LNPK: variants seen among roughly 807,000 people sequenced by gnomAD.
LNPK encodes the protein endoplasmic reticulum junction formation protein lunapark.
Under a neutral mutation model 55.2 loss-of-function variants are expected in LNPK, and 29 were observed. The observed-to-expected ratio is 0.53, with a 90% CI of 0.39 to 0.72. LNPK has a LOEUF of 0.72. Ranked by LOEUF, LNPK falls within the 30% of genes least tolerant of loss-of-function variation. The pLI, the probability that LNPK is intolerant of heterozygous loss-of-function variation, is 0.00. For missense variants in LNPK, 467 were observed against 494.8 expected, an observed-to-expected ratio of 0.94 and a Z score of 0.53; for synonymous variants, 162 against 168.2, an observed-to-expected ratio of 0.96 and a Z score of 0.29.
Position 175,964,355 on chromosome 2 carries a change from TCTA to T in LNPK, c.493+14_493+16del. Reference sequence around the variant, plus strand: ...GATCTTTCCAACAGCAGCAGCAGTTTCTACTAAGTTATTTACCTTGTCCAGGTC... The same window carrying T: ...GATCTTTCCAACAGCAGCAGCAGTTTCTAAGTTATTTACCTTGTCCAGGTC... On this transcript the variant is annotated intron_variant, in intron 8 of 12. Coordinates refer to ENST00000272748, the MANE Select transcript of LNPK (RefSeq NM_030650.3). 3 of 1,607,444 alleles carry T rather than the reference TCTA, an allele frequency of 1.9e-6. No individual in the cohort carries two copies. Among genetic ancestry groups the T allele is most frequent in the Non-Finnish European group, 2.6e-6 (3 of 1,174,584 alleles).
intron 9 of LNPK, among the ~76,000 whole-genome samples, chr2:175,943,784 G>A (rs910087138): frequency 2.1e-4 from 32 of 151,966 alleles, no homozygotes; most frequent in African/African-American, 7.7e-4. Context: ...AAGCTGATAA[G>A]GAGTATTTAT....
intron 6 of LNPK, among the ~76,000 whole-genome samples, chr2:175,970,134 C>T (rs778030498): frequency 2.0e-5 from 3 of 152,272 alleles, no homozygotes; most frequent in Admixed American, 1.3e-4. Context: ...CTATGTCAAA[C>T]ACCAACTTCA....
chr2:175,960,931 C>T (rs1189564134), intron 8 of LNPK, among the ~76,000 whole-genome samples: 2 of 152,138 alleles, frequency 1.3e-5, no homozygotes, highest in African/African-American at 4.8e-5. Context: ...ACTATAGACA[C>T]CTCTATGCAA....
In LNPK at chr2:176,002,236, G is replaced by C. The variant is rs769366772; in HGVS notation, c.-139C>G. The C allele has an allele frequency of 2.2e-6, 1 of 452,432 alleles. No individual in the cohort carries two copies. Among genetic ancestry groups the C allele is most frequent in the Non-Finnish European group, 4.4e-6 (1 of 225,904 alleles). The allele number at this position is 452,432 out of a possible 1,614,324, so 28.0% of individuals were successfully genotyped here. On this transcript the variant is annotated 5_prime_UTR_variant, in exon 1 of 13. Transcript: ENST00000272748. ...GCCGCCACCGCCCAGCCTGCCTCCA[G>C]AGCAGGCAGCAGCCGCCACTGACAG...
At chr2:175,999,294 A>G (rs192056018) in intron 1 of LNPK, among the ~76,000 whole-genome samples, 2 of 152,178 alleles carry the variant, frequency 1.3e-5, no homozygotes, top group Non-Finnish European at 2.9e-5. Context: ...CCACCCAAAC[A>G]TATTAACTCC....
At chr2:175,938,413 G>A in intron 10 of LNPK, 30 bp from the exon 11 acceptor site, 2 of 1,301,520 alleles carry the variant, frequency 1.5e-6, no homozygotes. Context: ...GAACAGACCA[G>A]TTACAAATGC....
intron 12 of LNPK, among the ~76,000 whole-genome samples, chr2:175,933,542 T>G (rs1313348722): frequency 6.6e-6 from 1 of 152,102 alleles, no homozygotes; most frequent in East Asian, 1.9e-4. Flanking sequence ...GAGATTTTCC[T>G]GCCTTAAGGA....
At chr2:175,995,059 T>C (rs935808329) in intron 2 of LNPK, among the ~76,000 whole-genome samples, 1 of 151,816 alleles carries the variant, frequency 6.6e-6, no homozygotes, top group Non-Finnish European at 1.5e-5. Context: ...GTAGCTGGGA[T>C]TACAGGCGCG....
intron 9 of LNPK, chr2:175,940,916 A>C (rs1391115584): frequency 1.1e-5 from 5 of 450,600 alleles, no homozygotes; most frequent in African/African-American, 1.0e-4. Flanking sequence ...ACTGCACACA[A>C]AAAAACTGGT....
intron 5 of LNPK, among the ~76,000 whole-genome samples, chr2:175,978,891 T>C (rs962855968): frequency 6.6e-6 from 1 of 151,952 alleles, no homozygotes; most frequent in African/African-American, 2.4e-5. Flanking sequence ...AGCAAGGAAA[T>C]AGTCGTTGGG....
chr2:176,000,226 T>C (rs1405057826), intron 1 of LNPK, among the ~76,000 whole-genome samples: 2 of 152,226 alleles, frequency 1.3e-5, no homozygotes, highest in Admixed American at 6.5e-5. Flanking sequence ...TGCAATAAAA[T>C]AGATCTGGAT....
At chr2:175,994,564 C>T (rs1387312774) in intron 2 of LNPK, among the ~76,000 whole-genome samples, 2 of 152,084 alleles carry the variant, frequency 1.3e-5, no homozygotes, top group Admixed American at 1.3e-4. Flanking sequence ...GCTCTGTCGC[C>T]CAGGCTGGAG....
chr2:175,955,890 T>G (rs1685668487), intron 8 of LNPK, among the ~76,000 whole-genome samples: 1 of 152,212 alleles, frequency 6.6e-6, no homozygotes, highest in South Asian at 2.1e-4. Flanking sequence ...ACTTTTCTTT[T>G]GTTACATTTC....
In LNPK at chr2:176,002,194, C is replaced by CA. The variant is rs1559082784; in HGVS notation, c.-98dup. 1.3e-5 allele frequency: 6 copies of CA among 447,982 alleles called. No individual in the cohort carries two copies. Among genetic ancestry groups the CA allele is most frequent in the Non-Finnish European group, 2.7e-5 (6 of 223,990 alleles). 27.8% of individuals were successfully genotyped at this position (447,982 alleles called of 1,614,324 possible). On this transcript the variant is annotated 5_prime_UTR_variant, in exon 1 of 13. Coordinates refer to ENST00000272748, the MANE Select transcript of LNPK (RefSeq NM_030650.3). ...GCGGGCGCAGCCCGGCCCGGGCGTC[C>CA]ACCCCCGCCAGTCTCGGCCGCCACC...
intron 4 of LNPK, among the ~76,000 whole-genome samples, chr2:175,981,251 T>C (rs1318891382): frequency 1.3e-5 from 2 of 152,226 alleles, no homozygotes. Flanking sequence ...CTTTCACTTG[T>C]CTTTCTCTCT....
intron 9 of LNPK, among the ~76,000 whole-genome samples, chr2:175,945,602 G>T (rs1685087214): frequency 6.7e-6 from 1 of 149,836 alleles, no homozygotes; most frequent in Non-Finnish European, 1.5e-5. Flanking sequence ...AAATAAACTT[G>T]AATCCAGACA....
At chr2:175,987,237 G>A (rs1424511046) in intron 4 of LNPK, among the ~76,000 whole-genome samples, 1 of 152,092 alleles carries the variant, frequency 6.6e-6, no homozygotes, top group Non-Finnish European at 1.5e-5. Context: ...TGTTTATTGT[G>A]GCACTATTCA....
chr2:175,965,453 T>C (rs1271255734), intron 6 of LNPK, among the ~76,000 whole-genome samples: 2 of 152,184 alleles, frequency 1.3e-5, no homozygotes, highest in East Asian at 1.9e-4. Context: ...TAGGATAAAG[T>C]GCTTTTGCAA....
Position 175,947,579 on chromosome 2 carries a change from C to T in LNPK, c.607G>A (p.Ala203Thr). 6.2e-7 allele frequency: 1 copy of T among 1,613,986 alleles called. No homozygotes were observed. The highest frequency in any genetic ancestry group is 8.5e-7 in the Non-Finnish European group (1 of 1,179,920). Residue 203 changes from alanine to threonine, a missense_variant, in exon 9 of 13, where the codon GCC (alanine) becomes ACC (threonine). By Grantham distance (58) the Ala-to-Thr change is moderately conservative. Transcript: ENST00000272748. ...VSPGPPKDSSAPGGPPERTVT... is the reference protein window; with the variant it reads ...VSPGPPKDSSTPGGPPERTVT... ...GTCCTTTCTGGGGGTCCACCAGGGG[C>T]AGAACTGTCCTTTGGTGGTCCAGGA...
Sources: gnomAD v4.1 joint callset for allele counts (sites outside exome capture counted in the v4.1 genomes callset) on GRCh38, gnomAD v4.1.1 for gene constraint, MANE v1.5 for transcripts, NCBI Gene and HGNC (gene_info 2026-07-23, HGNC 2026-07-21) for gene names.